The following TNNI3K variants were observed in gnomAD, a reference collection of about 807,000 sequenced individuals.
TNNI3K encodes the protein TNNI3 interacting kinase, also known as serine/threonine-protein kinase TNNI3K.
TNNI3K carries 140 observed loss-of-function variants against 114.5 expected under a neutral mutation model. The observed-to-expected ratio is 1.22, with a 90% CI of 1.07 to 1.41. The LOEUF (loss-of-function observed/expected upper bound fraction) is 1.41, where lower values mean the gene tolerates loss of function less well. Ranked by LOEUF, TNNI3K falls within the 40% of genes most tolerant of loss-of-function variation. The pLI is 0.00. For synonymous variants in TNNI3K, 347 were observed against 347.5 expected (o/e 1.00, Z 0.02); for missense variants, 1,125 against 1,007.6 (o/e 1.12, Z -1.58).
At chr1:74,321,701 G>A (rs1659619730) in intron 5 of TNNI3K, among the ~76,000 whole-genome samples, 1 of 151,652 alleles carries the variant, frequency 6.6e-6, no homozygotes, top group Admixed American at 6.6e-5. Flanking sequence ...TTATCTTGTG[G>A]AATCATCTTC....
intron 5 of TNNI3K, among the ~76,000 whole-genome samples, chr1:74,322,417 C>T (rs1659664603): frequency 6.6e-6 from 1 of 150,840 alleles, no homozygotes; most frequent in Admixed American, 6.6e-5. Flanking sequence ...CTCATCTTTA[C>T]TTATCACCAG....
At chr1:74,316,160 A>G (rs1659291878) in intron 5 of TNNI3K, among the ~76,000 whole-genome samples, 1 of 152,182 alleles carries the variant, frequency 6.6e-6, no homozygotes, top group African/African-American at 2.4e-5. Flanking sequence ...AGCCTCACCA[A>G]GCTTATGGTC....
chr1:74,315,054 A>C (rs1421330351), intron 5 of TNNI3K, among the ~76,000 whole-genome samples: 1 of 152,156 alleles, frequency 6.6e-6, no homozygotes, highest in African/African-American at 2.4e-5. Flanking sequence ...ACCGGAAAGA[A>C]AATACAACCC....
chr1:74,252,947 C>A (rs1655034029), intron 4 of TNNI3K, among the ~76,000 whole-genome samples: 1 of 152,154 alleles, frequency 6.6e-6, no homozygotes, highest in Admixed American at 6.5e-5. Context: ...TATCTGGCCC[C>A]CACCCACATC....
At chr1:74,347,189 C>T (rs1278513088) in intron 9 of TNNI3K, among the ~76,000 whole-genome samples, 1 of 132,130 alleles carries the variant, frequency 7.6e-6, no homozygotes, top group Non-Finnish European at 1.6e-5. Flanking sequence ...TGTGATGCTC[C>T]CCTTCGTGTG....
At chr1:74,531,514 A>C (rs909650561) in intron 23 of TNNI3K, among the ~76,000 whole-genome samples, 1 of 152,170 alleles carries the variant, frequency 6.6e-6, no homozygotes, top group African/African-American at 2.4e-5. Flanking sequence ...AAAGCATAGA[A>C]AGGCATTTAC....
intron 23 of TNNI3K, among the ~76,000 whole-genome samples, chr1:74,518,874 C>CTT (rs1327871291): frequency 1.0e-4 from 3 of 29,050 alleles, no homozygotes; most frequent in African/African-American, 1.7e-4. Context: ...TTTTTTTCCC[C>CTT]TTTTTTTTTT....
At chr1:74,488,238 A>G (rs1668867871) in intron 21 of TNNI3K, among the ~76,000 whole-genome samples, 1 of 152,160 alleles carries the variant, frequency 6.6e-6, no homozygotes, top group Non-Finnish European at 1.5e-5. Flanking sequence ...AGGAAGACAC[A>G]GGGTTTTGCT....
intron 5 of TNNI3K, among the ~76,000 whole-genome samples, chr1:74,303,521 T>C (rs985320298): frequency 6.6e-6 from 1 of 152,104 alleles, no homozygotes; most frequent in African/African-American, 2.4e-5. Context: ...GAAAAAAAAT[T>C]CAATTCAAAA....
At chr1:74,490,253 A>G (rs1039245934) in intron 22 of TNNI3K, among the ~76,000 whole-genome samples, 1 of 152,106 alleles carries the variant, frequency 6.6e-6, no homozygotes, top group Non-Finnish European at 1.5e-5. Flanking sequence ...CAGTACTGGG[A>G]CTTACAGAAA....
intron 17 of TNNI3K, chr1:74,416,171 C>T: frequency 2.3e-6 from 1 of 437,778 alleles, no homozygotes; most frequent in Non-Finnish European, 3.0e-6. Flanking sequence ...ACTGGGGAAA[C>T]CTCTTCTTGC....
At chr1:74,326,194 A>G (rs1376163067) in intron 5 of TNNI3K, among the ~76,000 whole-genome samples, 1 of 152,236 alleles carries the variant, frequency 6.6e-6, no homozygotes, top group Non-Finnish European at 1.5e-5. Context: ...TCTGCTAGGT[A>G]TGAGACACTG....
intron 17 of TNNI3K, among the ~76,000 whole-genome samples, chr1:74,393,998 G>A (rs1369721204): frequency 6.6e-6 from 1 of 152,094 alleles, no homozygotes; most frequent in Admixed American, 6.5e-5. Flanking sequence ...CCACAGGTTG[G>A]GACCCCTGTC....
At chr1:74,301,272 C>T (rs529512679) in intron 5 of TNNI3K, among the ~76,000 whole-genome samples, 7 of 151,910 alleles carry the variant, frequency 4.6e-5, no homozygotes, top group East Asian at 2.0e-4. Context: ...TGGTGGTGCA[C>T]GCCAATAGTC....
chr1:74,436,503 G>A lies in TNNI3K; in HGVS notation c.1855G>A (p.Asp619Asn), dbSNP rs761647942. The A allele has an allele frequency of 2.8e-5, 45 of 1,586,532 alleles. No individual in the cohort carries two copies. The highest frequency in any genetic ancestry group is 3.8e-5 in the Non-Finnish European group (45 of 1,173,000). ...AAGATTTCTACAGTCTCTGGATGAA[G>A]ACAACATGACAAAACAACCTGGGGT... ...ESRFLQSLDEDNMTKQPGNLR... is the reference protein window; with the variant it reads ...ESRFLQSLDENNMTKQPGNLR... The change falls in exon 19 of 25, where the codon GAC (aspartate) becomes AAC (asparagine). Residue 619 changes from aspartate to asparagine, a missense_variant. By Grantham distance (23) the Asp-to-Asn change is conservative. Transcript: ENST00000326637.
At chr1:74,492,665 T>C (rs925240518) in intron 23 of TNNI3K, among the ~76,000 whole-genome samples, 18 of 152,178 alleles carry the variant, frequency 1.2e-4, no homozygotes, top group African/African-American at 4.3e-4. Context: ...ATTCCATTCC[T>C]AGGAATATAC....
rs1661492930 is a variant in TNNI3K at position 74,353,512 on chromosome 1, G to A, written c.1027+152G>A. 3.5e-6 allele frequency: 3 copies of A among 867,840 alleles called. No homozygotes were observed. In the Admixed American group the frequency reaches 8.9e-5, roughly 26 times the overall value. 53.8% of individuals were successfully genotyped at this position (867,840 alleles called of 1,614,324 possible). ...CCAGCATTTAGAATTGATAATGACT[G>A]ATAATAATAAAAAGCAGACTGACTT... On this transcript the variant is annotated intron_variant, in intron 10 of 24. Transcript: ENST00000326637.
chr1:74,406,774 A>G (rs1295878288), intron 17 of TNNI3K, among the ~76,000 whole-genome samples: 1 of 152,226 alleles, frequency 6.6e-6, no homozygotes, highest in Non-Finnish European at 1.5e-5. Flanking sequence ...AAGGCTTTAC[A>G]TCTACTAAGA....
chr1:74,395,388 A>G (rs1163096391), intron 17 of TNNI3K, among the ~76,000 whole-genome samples: 1 of 152,054 alleles, frequency 6.6e-6, no homozygotes, highest in Non-Finnish European at 1.5e-5. Context: ...GATGCATCCC[A>G]CCTGATTTAG....
Sources: gnomAD v4.1 joint callset for allele counts (sites outside exome capture counted in the v4.1 genomes callset) on GRCh38, gnomAD v4.1.1 for gene constraint, MANE v1.5 for transcripts, NCBI Gene and HGNC (gene_info 2026-07-23, HGNC 2026-07-21) for gene names.